The following GUCD1 variants were observed in gnomAD, a reference collection of about 807,000 sequenced individuals.
GUCD1 encodes protein GUCD1.
In GUCD1, 17 loss-of-function variants were observed where a neutral mutation model predicts 28.3. The ratio of observed to expected loss-of-function variants is 0.60; its 90% CI spans 0.41 to 0.90. The LOEUF (loss-of-function observed/expected upper bound fraction) is 0.90, where lower values mean the gene tolerates loss of function less well. GUCD1 is among the 40% of genes least tolerant of loss of function. The pLI, the probability that GUCD1 is intolerant of heterozygous loss-of-function variation, is 0.00. For synonymous variants in GUCD1, 129 were observed against 123.3 expected (o/e 1.05, Z -0.30); for missense variants, 279 against 305.5 (o/e 0.91, Z 0.65).
Position 24,548,974 on chromosome 22 carries a change from A to T in GUCD1, c.71T>A (p.Val24Asp). Residue 24 changes from valine (V) to aspartate (D), a missense_variant, in exon 2 of 6, where the codon GTC becomes GAC. Transcript: ENST00000435822. Reference protein sequence around the residue: ...PGDFVQLPVPVIQQLYHWDCG... With the variant: ...PGDFVQLPVPDIQQLYHWDCG... ...GTCCCAGTGGTAGAGCTGCTGGATG[A>T]CGGGCACAGGCAGTTGCACAAAGTC... The T allele has an allele frequency of 6.3e-7, 1 of 1,585,228 alleles. No homozygotes were observed. Among genetic ancestry groups the T allele is most frequent in the East Asian group, 2.3e-5 (1 of 44,008 alleles).
At chr22:24,554,177 A>C (rs2044963126) in intron 1 of GUCD1, among the ~76,000 whole-genome samples, 1 of 152,156 alleles carries the variant, frequency 6.6e-6, no homozygotes. Context: ...CTCATAGAAC[A>C]CTCCCTGTGA....
At chr22:24,551,570 C>T (rs369168944) in intron 1 of GUCD1, among the ~76,000 whole-genome samples, 2 of 152,350 alleles carry the variant, frequency 1.3e-5, no homozygotes, top group East Asian at 3.9e-4. Context: ...GGCATCTGCA[C>T]GTGAGGATCC....
intron 2 of GUCD1, 45 bp downstream of exon 2, chr22:24,548,872 A>C: frequency 7.1e-7 from 1 of 1,417,056 alleles, no homozygotes; most frequent in Non-Finnish European, 9.7e-7. Context: ...AGAGCAGAAG[A>C]TGTAGATGGG....
chr22:24,547,858 T>C (rs1192832398), intron 3 of GUCD1, 50 bp downstream of exon 3: 2 of 1,603,250 alleles, frequency 1.2e-6, no homozygotes, highest in African/African-American at 2.7e-5. Context: ...CAGGTGGCCT[T>C]ATACCTCTGT....
chr22:24,544,204 G>T, intron 4 of GUCD1, 121 bp from the exon 5 acceptor site: 3 of 1,369,216 alleles, frequency 2.2e-6, no homozygotes, highest in Non-Finnish European at 3.0e-6. Context: ...TTTTCCCTTT[G>T]CCCTGAACTC....
In GUCD1 at chr22:24,543,885, C is replaced by T. The variant is rs1234095012; in HGVS notation, c.585G>A (p.Arg195=). The part of the protein sequence containing the change: ...GHFIVLRGYN[R]ATGCIFYNNP... ...TGTTGTAGAAGATGCAGCCAGTGGC[C>T]CGGTTGTAGCCACGCAGCACGATGA... is the stretch of plus-strand genomic sequence containing the variant. Residue 195 remains arginine, a synonymous_variant, in exon 5 of 6, where the codon CGG becomes CGA. Coordinates refer to ENST00000435822, the MANE Select transcript of GUCD1 (RefSeq NM_001284254.2). 1.9e-6 allele frequency: 3 copies of T among 1,614,004 alleles called. No homozygotes were observed. The highest frequency in any genetic ancestry group is 2.5e-6 in the Non-Finnish European group (3 of 1,179,962).
chr22:24,555,595 T>A, upstream of GUCD1: 4 of 1,549,992 alleles, frequency 2.6e-6, no homozygotes, highest in Non-Finnish European at 3.5e-6. Flanking sequence ...ATACCTAGCC[T>A]CACTCAGGGC....
upstream of GUCD1, chr22:24,555,499 C>G: frequency 7.9e-7 from 1 of 1,270,686 alleles, no homozygotes; most frequent in Non-Finnish European, 1.1e-6. Context: ...ATCCCCGAGG[C>G]CCCAAGCAAC....
chr22:24,543,022 A>G lies in GUCD1; in HGVS notation c.704T>C (p.Val235Ala). The change falls in exon 6 of 6, where the codon GTC becomes GCC. Residue 235 changes from valine (V) to alanine (A), a missense_variant. Val to Ala is a moderately conservative substitution (Grantham distance 64). Transcript: ENST00000435822. Reference sequence around the variant, plus strand: ...CTCCTGCTGTCAGCTGTCCAAGTAGACAAAGAGGATGTCCTCATCTGTGCC... The same window carrying G: ...CTCCTGCTGTCAGCTGTCCAAGTAGGCAAAGAGGATGTCCTCATCTGTGCC... Reference protein sequence around the residue: ...SYGTDEDILFVYLDS With the variant: ...SYGTDEDILFAYLDS 1.9e-6 allele frequency: 3 copies of G among 1,613,374 alleles called. No individual in the cohort carries two copies. The highest frequency in any genetic ancestry group is 2.2e-5 in the East Asian group (1 of 44,876).
chr22:24,549,755 C>T (rs930002035), intron 1 of GUCD1, among the ~76,000 whole-genome samples: 1 of 152,210 alleles, frequency 6.6e-6, no homozygotes, highest in South Asian at 2.1e-4. Flanking sequence ...AACTCCTGAC[C>T]TCAGGTGATC....
intron 4 of GUCD1, 44 bp from the exon 5 acceptor site, chr22:24,544,127 T>TC: frequency 1.3e-6 from 2 of 1,587,980 alleles, no homozygotes; most frequent in Non-Finnish European, 1.7e-6. Context: ...GGGCCCCCAT[T>TC]CCCCATCCCT....
intron 5 of GUCD1, 141 bp from the exon 6 acceptor site, chr22:24,543,238 C>A: frequency 1.5e-6 from 1 of 651,986 alleles, no homozygotes; most frequent in Non-Finnish European, 2.8e-6. Context: ...CCTCCACCCC[C>A]AGGAAGCCCT....
In GUCD1 at chr22:24,543,922, TAGTC is replaced by T. The variant is rs1641475516; in HGVS notation, c.544_547del (p.Asp182ThrfsTer174). 1.9e-6 allele frequency: 3 copies of T among 1,613,968 alleles called. No individual in the cohort carries two copies. The highest frequency in any genetic ancestry group is 2.5e-6 in the Non-Finnish European group (3 of 1,179,954). On this transcript the variant is annotated frameshift_variant, in exon 5 of 6. Coordinates refer to ENST00000435822, the MANE Select transcript of GUCD1 (RefSeq NM_001284254.2). LOFTEE classifies it high-confidence loss of function. ...ACGCAGCACGATGAAGTGGCCCTGG[TAGTC>T]AGGAGTGCGGCAGAAGCAGTGGTGG...
Position 24,547,422 on chromosome 22 carries a change from G to A in GUCD1, c.295-417C>T, listed in dbSNP as rs1418797000. On this transcript the variant is annotated intron_variant, in intron 3 of 5. Coordinates refer to ENST00000435822, the MANE Select transcript of GUCD1 (RefSeq NM_001284254.2). ...TCCACGGAACACACTTTGCTGGCAT[G>A]GCTATGTTGGCATTATTTTTCAAAA... 1.5e-5 allele frequency: 3 copies of A among 195,390 alleles called. No homozygotes were observed. The East Asian group carries it at 3.8e-4, about 25-fold the overall frequency. 12.1% of individuals were successfully genotyped at this position (195,390 alleles called of 1,614,324 possible).
intron 1 of GUCD1, among the ~76,000 whole-genome samples, chr22:24,550,402 A>T (rs1024968716): frequency 5.3e-5 from 8 of 152,216 alleles, no homozygotes; most frequent in Admixed American, 5.2e-4. Flanking sequence ...AGCATGTGCT[A>T]AGGCCCTGAG....
At chr22:24,548,540 T>G (rs1242638198) in intron 2 of GUCD1, among the ~76,000 whole-genome samples, 1 of 152,186 alleles carries the variant, frequency 6.6e-6, no homozygotes, top group East Asian at 1.9e-4. Context: ...CCCTCTTGGC[T>G]CTCACTGTCC....
intron 1 of GUCD1, among the ~76,000 whole-genome samples, chr22:24,552,457 T>A (rs1235805487): frequency 1.3e-5 from 2 of 152,182 alleles, no homozygotes; most frequent in Non-Finnish European, 2.9e-5. Context: ...AGTAACTCAA[T>A]AAATATTTGC....
At chr22:24,551,862 A>C (rs1453148070) in intron 1 of GUCD1, among the ~76,000 whole-genome samples, 1 of 152,268 alleles carries the variant, frequency 6.6e-6, no homozygotes, top group Non-Finnish European at 1.5e-5. Flanking sequence ...TGGTGGTATG[A>C]AGAAATGGGT....
At position 24,542,636 on chromosome 22, in the gene GUCD1, A is replaced by G; in HGVS notation, c.*370T>C. ...ACTGTCCTGACAAGTGGCATCCGTC[A>G]AGCAACTTCTCTCTCCAGGCTCAGT... On this transcript the variant is annotated 3_prime_UTR_variant, in exon 6 of 6. Coordinates refer to ENST00000435822, the MANE Select transcript of GUCD1 (RefSeq NM_001284254.2). 1 of 264,078 alleles carries G rather than the reference A, an allele frequency of 3.8e-6. No individual in the cohort carries two copies. The allele number at this position is 264,078 out of a possible 1,614,324, so 16.4% of individuals were successfully genotyped here. A position where few individuals can be genotyped will look rare whatever the true frequency, so the allele number is the denominator to read the frequency against.
Sources: allele counts gnomAD v4.1 joint callset (sites outside exome capture counted in the v4.1 genomes callset), GRCh38; gene constraint gnomAD v4.1.1; transcripts MANE v1.5; gene names NCBI Gene and HGNC (gene_info 2026-07-23, HGNC 2026-07-21).